PCDHGB7: variants seen among roughly 807,000 people sequenced by gnomAD.
PCDHGB7 encodes the protein protocadherin gamma-B7.
PCDHGB7 carries 37 observed loss-of-function variants against 61.4 expected under a neutral mutation model. That is an observed-to-expected ratio of 0.60 (90% CI 0.46 to 0.79). The LOEUF (loss-of-function observed/expected upper bound fraction) is 0.79, where lower values mean the gene tolerates loss of function less well. PCDHGB7 is among the 30% of genes least tolerant of loss of function. The pLI is 0.00. For missense variants in PCDHGB7, 1,166 were observed against 1,202.5 expected (o/e 0.97, Z 0.45); for synonymous variants, 464 against 503.5 (o/e 0.92, Z 1.05).
intron 2 of PCDHGB7, among the ~76,000 whole-genome samples, chr5:141,495,644 A>G (rs767670166): frequency 5.3e-5 from 8 of 151,770 alleles, no homozygotes; most frequent in Non-Finnish European, 1.0e-4. Context: ...TCATTTGTCT[A>G]CTTGCATTGA....
In PCDHGB7 at chr5:141,418,830, G is replaced by A. The variant is rs371820904; in HGVS notation, c.971G>A (p.Arg324Gln). 1.2e-6 allele frequency: 2 copies of A among 1,613,976 alleles called. No individual in the cohort carries two copies. Among genetic ancestry groups the A allele is most frequent in the Non-Finnish European group, 1.7e-6 (2 of 1,179,858 alleles). ...ACGATAAACATAGAAGCAAAAGACC[G>A]AGGATCTCTCTCAACACGGTGTAAA... ...RYTINIEAKDRGSLSTRCKVI... is the reference protein window; with the variant it reads ...RYTINIEAKDQGSLSTRCKVI... The change falls in exon 1 of 4, where the codon CGA (arginine) becomes CAA (glutamine). Residue 324 changes from arginine (R) to glutamine (Q), a missense_variant. By Grantham distance (43) the Arg-to-Gln change is conservative. Coordinates refer to ENST00000398594, the MANE Select transcript of PCDHGB7 (RefSeq NM_018927.4).
chr5:141,430,255 T>TC (rs11167746), intron 1 of PCDHGB7, among the ~76,000 whole-genome samples: 81,857 of 151,872 alleles, frequency 0.54, 24,107 homozygotes, highest in African/African-American at 0.79. Flanking sequence ...GGGAGACATC[T>TC]CCATAATAGG....
In PCDHGB7 at chr5:141,511,358, G is replaced by GT; in HGVS notation, c.*187dup. 1 of 1,355,398 alleles carries GT rather than the reference G, an allele frequency of 7.4e-7. No homozygotes were observed. Among genetic ancestry groups the GT allele is most frequent in the South Asian group, 1.5e-5 (1 of 66,198 alleles). 84.0% of individuals were successfully genotyped at this position (1,355,398 alleles called of 1,614,324 possible). On this transcript the variant is annotated 3_prime_UTR_variant, in exon 4 of 4. Transcript: ENST00000398594. ...GCACCTACCCCTTCCCCCCCAGGGG[G>GT]TTGAATATGCAAAAGCAGTTCCGCT...
chr5:141,475,013 G>T (rs950376592), intron 1 of PCDHGB7, among the ~76,000 whole-genome samples: 1 of 152,176 alleles, frequency 6.6e-6, no homozygotes, highest in African/African-American at 2.4e-5. Context: ...AAAAGTTAAG[G>T]CTCTTTATTC....
intron 1 of PCDHGB7, among the ~76,000 whole-genome samples, chr5:141,455,250 A>C (rs1016027355): frequency 2.0e-5 from 3 of 152,172 alleles, no homozygotes; most frequent in Non-Finnish European, 2.9e-5. Flanking sequence ...GTCATAGTAC[A>C]ATCGCATTTC....
chr5:141,461,371 G>C (rs755281402), intron 1 of PCDHGB7, among the ~76,000 whole-genome samples: 1 of 152,084 alleles, frequency 6.6e-6, no homozygotes, highest in Non-Finnish European at 1.5e-5. Context: ...GTTTTAATTT[G>C]CATTTTCCTG....
At chr5:141,475,884 G>C (rs998700290) in intron 1 of PCDHGB7, 1 of 557,810 alleles carries the variant, frequency 1.8e-6, no homozygotes, top group Non-Finnish European at 3.2e-6. Flanking sequence ...TATTGGCTGG[G>C]ACTCTGTGTG....
intron 1 of PCDHGB7, chr5:141,423,287 C>T: frequency 6.3e-7 from 1 of 1,586,406 alleles, no homozygotes; most frequent in South Asian, 1.1e-5. Flanking sequence ...AACTCTGAAA[C>T]CTCAGACCTC....
At position 141,486,960 on chromosome 5, in the gene PCDHGB7, T is replaced by C; in HGVS notation, c.2416-7847T>C. On this transcript the variant is annotated intron_variant, in intron 1 of 3. Transcript: ENST00000398594. The surrounding 1 kb of genome is among the most constrained non-coding windows in gnomAD (Gnocchi z 5.0). Reference sequence around the variant, plus strand: ...CACCTAATCACAAAGGTGACTGCTGTGGACTTGGATTCAGGTTACAATGCT... The same window carrying C: ...CACCTAATCACAAAGGTGACTGCTGCGGACTTGGATTCAGGTTACAATGCT... The C allele has an allele frequency of 6.2e-7, 1 of 1,614,228 alleles. No individual in the cohort carries two copies. Among genetic ancestry groups the C allele is most frequent in the Non-Finnish European group, 8.5e-7 (1 of 1,180,034 alleles).
At chr5:141,473,335 C>T (rs1243738475) in intron 1 of PCDHGB7, among the ~76,000 whole-genome samples, 3 of 152,184 alleles carry the variant, frequency 2.0e-5, no homozygotes, top group Non-Finnish European at 4.4e-5. Context: ...GCCTGCTGTG[C>T]TAGACAGTGA....
intron 3 of PCDHGB7, among the ~76,000 whole-genome samples, chr5:141,505,782 T>A (rs1163025757): frequency 6.6e-6 from 1 of 152,204 alleles, no homozygotes; most frequent in Non-Finnish European, 1.5e-5. Context: ...CTAGCTCTGC[T>A]ACTATCCTTG....
rs751024373 is a variant in PCDHGB7, at chr5:141,491,801, G to T, written c.2416-3006G>T. 1 of 1,500,844 alleles carries T rather than the reference G, an allele frequency of 6.7e-7. No homozygotes were observed. Among genetic ancestry groups the T allele is most frequent in the Non-Finnish European group, 8.9e-7 (1 of 1,125,292 alleles). 93.0% of individuals were successfully genotyped at this position (1,500,844 alleles called of 1,614,324 possible). ...AACTTGCATCCACTCCTCTCCGGCCGGCTTGGTCGCTGGCTGCGCTCCACC... is the reference window on the plus strand; with the variant it reads ...AACTTGCATCCACTCCTCTCCGGCCTGCTTGGTCGCTGGCTGCGCTCCACC... On this transcript the variant is annotated intron_variant, in intron 1 of 3. Transcript: ENST00000398594. This position sits in a 1 kb window ranked among gnomAD's most constrained non-coding sequence, Gnocchi z 6.9.
At chr5:141,501,402 G>A (rs527659990) in intron 2 of PCDHGB7, among the ~76,000 whole-genome samples, 5 of 151,740 alleles carry the variant, frequency 3.3e-5, no homozygotes, top group Non-Finnish European at 7.4e-5. Flanking sequence ...ACAGGCCACT[G>A]CTTGGAAAAT....
intron 2 of PCDHGB7, among the ~76,000 whole-genome samples, chr5:141,500,112 C>G (rs2099796438): frequency 6.8e-6 from 1 of 147,138 alleles, no homozygotes; most frequent in Non-Finnish European, 1.5e-5. Context: ...TGTTGAATCC[C>G]TGCCTTTTCA....
Position 141,461,919 on chromosome 5 carries a change from G to T in PCDHGB7, c.2416-32888G>T, listed in dbSNP as rs10060711. On this transcript the variant is annotated intron_variant, in intron 1 of 3. Transcript: ENST00000398594. Reference sequence around the variant, plus strand: ...GCTCACTGCAACCTCTGCCTCCTGGGTTCCAGCAATTCTCCTGCCTCAACC... The same window carrying T: ...GCTCACTGCAACCTCTGCCTCCTGGTTTCCAGCAATTCTCCTGCCTCAACC... 5.4e-3 allele frequency among the ~76,000 whole-genome samples: 815 copies of T among 152,214 alleles called. 11 individuals are homozygous for T. Among genetic ancestry groups the T allele is most frequent in the African/African-American group, 0.019 (780 of 41,542 alleles).
At chr5:141,428,098 A>G in intron 1 of PCDHGB7, 1 of 1,608,664 alleles carries the variant, frequency 6.2e-7, no homozygotes, top group Non-Finnish European at 8.5e-7. Flanking sequence ...CTGTCCTACC[A>G]CGTGCTGCAG....
Position 141,418,922 on chromosome 5 carries a change from C to A in PCDHGB7, c.1063C>A (p.Gln355Lys). ...AATAATCATCACGTCACTCTCTGAT[C>A]AGATTATGGAGGATTCCCCTCCAGG... ...PEIIITSLSD[Q>K]IMEDSPPGVV... is the part of the protein sequence containing the mutation. Residue 355 changes from glutamine (Q) to lysine (K), a missense_variant, in exon 1 of 4, where the codon CAG becomes AAG. By Grantham distance (53) the Gln-to-Lys change is moderately conservative (BLOSUM62 1). Transcript: ENST00000398594. The A allele has an allele frequency of 6.2e-7, 1 of 1,613,994 alleles. No homozygotes were observed. Among genetic ancestry groups the A allele is most frequent in the Non-Finnish European group, 8.5e-7 (1 of 1,179,862 alleles).
chr5:141,487,921 A>G lies in PCDHGB7; in HGVS notation c.2416-6886A>G, dbSNP rs17097340. On this transcript the variant is annotated intron_variant, in intron 1 of 3. Coordinates refer to ENST00000398594, the MANE Select transcript of PCDHGB7 (RefSeq NM_018927.4). This position sits in a 1 kb window ranked among gnomAD's most constrained non-coding sequence, Gnocchi z 5.0. ...GGAATGTGGGAGCACAGGAGGCTAC[A>G]GTGCACAGGGTACAGTGCACCAGGC... 0.15 allele frequency: 93,556 copies of G among 639,124 alleles called. 7,160 individuals carry two copies. The highest frequency in any genetic ancestry group is 0.21 in the African/African-American group (11,270 of 54,532). 39.6% of individuals were successfully genotyped at this position (639,124 alleles called of 1,614,324 possible).
intron 1 of PCDHGB7, among the ~76,000 whole-genome samples, chr5:141,482,053 C>G (rs2099551080): frequency 6.6e-6 from 1 of 150,558 alleles, no homozygotes; most frequent in Non-Finnish European, 1.5e-5. Flanking sequence ...CTGTTGCATT[C>G]CAGCCTGGGC....
Sources: gnomAD v4.1 joint callset for allele counts (sites outside exome capture counted in the v4.1 genomes callset) on GRCh38, gnomAD v4.1.1 for gene constraint, Gnocchi (gnomAD v3.1) non-coding constraint, MANE v1.5 for transcripts, NCBI Gene and HGNC (gene_info 2026-07-23, HGNC 2026-07-21) for gene names.